GPHN: variants seen among roughly 807,000 people sequenced by gnomAD.
The protein encoded by GPHN is gephyrin.
GPHN carries 17 observed loss-of-function variants against 95.5 expected under a neutral mutation model. The ratio of observed to expected loss-of-function variants is 0.18; its 90% CI spans 0.12 to 0.27. The LOEUF is 0.27. Ranked by LOEUF, GPHN falls within the 10% of genes least tolerant of loss-of-function variation. The pLI is 1.00. For missense variants in GPHN, 660 were observed against 978.1 expected (o/e 0.67, Z 4.34); for synonymous variants, 320 against 322.5 (o/e 0.99, Z 0.08).
chr14:67,626,462 C>A, the GPHN span, among the ~76,000 whole-genome samples: 1 of 152,158 alleles, frequency 6.6e-6, no homozygotes, highest in Admixed American at 6.5e-5. Flanking sequence ...TTACTGTGTC[C>A]TCAAGCAAAT....
At chr14:67,005,377 T>C (rs896613586) in intron 9 of GPHN, among the ~76,000 whole-genome samples, 5 of 152,028 alleles carry the variant, frequency 3.3e-5, no homozygotes, top group African/African-American at 9.6e-5. Flanking sequence ...TTTATTCTCA[T>C]TTTTAACAAG....
intron 1 of GPHN, among the ~76,000 whole-genome samples, chr14:66,605,814 G>A (rs907459672): frequency 6.6e-6 from 1 of 152,012 alleles, no homozygotes; most frequent in Non-Finnish European, 1.5e-5. Context: ...TTACAGGTGT[G>A]AGCCACCGCA....
chr14:66,521,027 A>G (rs2139810709), intron 1 of GPHN, among the ~76,000 whole-genome samples: 1 of 152,266 alleles, frequency 6.6e-6, no homozygotes, highest in Admixed American at 6.5e-5. Context: ...CACAAAAGAC[A>G]TGATCTCATT....
intron 1 of GPHN, among the ~76,000 whole-genome samples, chr14:66,525,864 T>A (rs112821001): frequency 0.013 from 2,034 of 152,330 alleles, 22 homozygotes; most frequent in Middle Eastern, 0.02. Flanking sequence ...TTGGTACCTG[T>A]ACCACGCTGG....
chr14:67,135,789 CT>C (rs968740160), intron 17 of GPHN, among the ~76,000 whole-genome samples: 10 of 152,194 alleles, frequency 6.6e-5, no homozygotes, highest in East Asian at 3.9e-4. Flanking sequence ...CTTTTCCCCC[CT>C]ATCTCTTCCT....
At chr14:67,298,330 A>T in the GPHN span, among the ~76,000 whole-genome samples, 1 of 152,086 alleles carries the variant, frequency 6.6e-6, no homozygotes, top group Non-Finnish European at 1.5e-5. Context: ...TCTGGCCAAC[A>T]TGGTGAAACC....
chr14:67,404,528 A>C, the GPHN span, among the ~76,000 whole-genome samples: 1 of 152,042 alleles, frequency 6.6e-6, no homozygotes, highest in Non-Finnish European at 1.5e-5. Flanking sequence ...TAAAATTTCG[A>C]GTTGGGTGTG....
At chr14:66,706,926 T>A (rs1213136274) in intron 2 of GPHN, among the ~76,000 whole-genome samples, 1 of 152,098 alleles carries the variant, frequency 6.6e-6, no homozygotes, top group African/African-American at 2.4e-5. Context: ...GACAAAGGTC[T>A]AATATCCAGA....
the GPHN span, chr14:67,199,811 G>A: frequency 3.2e-4 from 490 of 1,510,942 alleles, 1 homozygote; most frequent in African/African-American, 5.9e-3. Context: ...GCTGCCTCCT[G>A]GAGCCCTCCC....
At chr14:67,054,760 C>T (rs2075471833) in intron 10 of GPHN, among the ~76,000 whole-genome samples, 1 of 152,134 alleles carries the variant, frequency 6.6e-6, no homozygotes, top group Non-Finnish European at 1.5e-5. Flanking sequence ...ACACATAGAC[C>T]AGTGGAACAG....
chr14:66,992,708 A>G (rs2071517839), intron 9 of GPHN, among the ~76,000 whole-genome samples: 2 of 152,188 alleles, frequency 1.3e-5, no homozygotes, highest in Non-Finnish European at 2.9e-5. Flanking sequence ...GCGATAACTC[A>G]GAGATCAGCA....
chr14:67,712,348 TTTG>T, the GPHN span, among the ~76,000 whole-genome samples: 5 of 152,008 alleles, frequency 3.3e-5, no homozygotes, highest in African/African-American at 7.2e-5. Flanking sequence ...ACTTAAAAAT[TTTG>T]TTGTTGTTGT....
chr14:66,730,368 G>A (rs922561326), intron 2 of GPHN, among the ~76,000 whole-genome samples: 1 of 152,082 alleles, frequency 6.6e-6, no homozygotes, highest in Non-Finnish European at 1.5e-5. Flanking sequence ...TTACTCTTGA[G>A]TTTAATCGTT....
the GPHN span, among the ~76,000 whole-genome samples, chr14:67,251,049 T>C: frequency 2.4e-4 from 37 of 152,344 alleles, no homozygotes; most frequent in East Asian, 7.1e-3. Context: ...CTCAGAGAGA[T>C]TAAATATTTT....
chr14:67,248,223 A>G, the GPHN span, among the ~76,000 whole-genome samples: 15 of 152,270 alleles, frequency 9.9e-5, no homozygotes, highest in African/African-American at 2.2e-4. Flanking sequence ...ATATACATTA[A>G]CATTTATTCT....
At chr14:67,093,263 A>T (rs2077213313) in intron 12 of GPHN, among the ~76,000 whole-genome samples, 1 of 152,142 alleles carries the variant, frequency 6.6e-6, no homozygotes, top group Admixed American at 6.6e-5. Context: ...AGAACATTTT[A>T]AAATTACCCA....
At chr14:67,184,327 G>A (rs890475833), downstream of GPHN, among the ~76,000 whole-genome samples, 2 of 152,188 alleles carry the variant, frequency 1.3e-5, no homozygotes, top group Non-Finnish European at 2.9e-5. Context: ...GACGTATCAT[G>A]ATCAGAGATA....
the GPHN span, among the ~76,000 whole-genome samples, chr14:67,260,742 G>T: frequency 6.6e-6 from 1 of 152,070 alleles, no homozygotes; most frequent in Non-Finnish European, 1.5e-5. Context: ...AATATAAGCA[G>T]TACACAAAAT....
At chr14:66,887,282 A>G (rs1249031892) in intron 5 of GPHN, among the ~76,000 whole-genome samples, 2 of 152,132 alleles carry the variant, frequency 1.3e-5, no homozygotes, top group Admixed American at 1.3e-4. Context: ...AAGTTCACTA[A>G]AAGCCTCACT....
Sources: gnomAD v4.1 joint callset for allele counts (sites outside exome capture counted in the v4.1 genomes callset) on GRCh38, gnomAD v4.1.1 for gene constraint, MANE v1.5 for transcripts, NCBI Gene and HGNC (gene_info 2026-07-23, HGNC 2026-07-21) for gene names.